SENP7: variants seen among roughly 807,000 people sequenced by gnomAD.
The protein encoded by SENP7 is sentrin-specific protease 7.
In SENP7, 64 loss-of-function variants were observed where a neutral mutation model predicts 141.2. The observed-to-expected ratio is 0.45, with a 90% CI of 0.37 to 0.56. SENP7 has a LOEUF of 0.56. Ranked by LOEUF, SENP7 falls within the 20% of genes least tolerant of loss-of-function variation. The pLI is 0.00. For synonymous variants in SENP7, 382 were observed against 426.4 expected, an observed-to-expected ratio of 0.90 and a Z score of 1.28; for missense variants, 1,025 against 1,212.2, an observed-to-expected ratio of 0.85 and a Z score of 2.29.
chr3:101,507,687 C>T (rs2065678090), intron 1 of SENP7, among the ~76,000 whole-genome samples: 1 of 151,936 alleles, frequency 6.6e-6, no homozygotes, highest in African/African-American at 2.4e-5. Flanking sequence ...TCTCCTTCCC[C>T]ACCGCCACCA....
intron 17 of SENP7, among the ~76,000 whole-genome samples, chr3:101,336,703 T>C (rs1464027271): frequency 6.6e-6 from 1 of 152,194 alleles, no homozygotes; most frequent in Non-Finnish European, 1.5e-5. Flanking sequence ...AGATAGATTA[T>C]CATACAAATT....
At position 101,328,461 on chromosome 3, in the gene SENP7, A is replaced by G; in HGVS notation, c.2864+17T>C. The G allele has an allele frequency of 1.9e-6, 3 of 1,600,594 alleles. No homozygotes were observed. Among genetic ancestry groups the G allele is most frequent in the Non-Finnish European group, 2.6e-6 (3 of 1,168,796 alleles). The stretch of plus-strand genomic sequence containing the variant: ...TTTTAGATAACAGACTGGAATGGTA[A>G]AATTGTCATTACTTACTCTCGTAAA... On this transcript the variant is annotated intron_variant, in intron 22 of 23. Coordinates refer to ENST00000394095, the MANE Select transcript of SENP7 (RefSeq NM_020654.5).
chr3:101,390,163 T>C (rs552624077), intron 6 of SENP7, among the ~76,000 whole-genome samples: 5 of 140,212 alleles, frequency 3.6e-5, no homozygotes, highest in Non-Finnish European at 7.5e-5. Flanking sequence ...GAAGTTGCAG[T>C]GAGTCGAGAT....
chr3:101,382,713 A>T (rs1156969527), intron 6 of SENP7, among the ~76,000 whole-genome samples: 8 of 152,208 alleles, frequency 5.3e-5, no homozygotes, highest in Admixed American at 5.2e-4. Flanking sequence ...CTTGTTCAGG[A>T]ATTGATAGCT....
chr3:101,420,152 G>A (rs2061744812), intron 4 of SENP7, among the ~76,000 whole-genome samples: 1 of 152,196 alleles, frequency 6.6e-6, no homozygotes, highest in Non-Finnish European at 1.5e-5. Flanking sequence ...TGGATCACGA[G>A]GTGAGGAGAT....
At chr3:101,424,637 ACCAGTACCAC>A (rs1470646454) in intron 4 of SENP7, among the ~76,000 whole-genome samples, 1 of 151,898 alleles carries the variant, frequency 6.6e-6, no homozygotes, top group Non-Finnish European at 1.5e-5. Context: ...ACCTGTACCC[ACCAGTACCAC>A]CACACCCGTG....
At chr3:101,422,627 G>A (rs13314150) in intron 4 of SENP7, among the ~76,000 whole-genome samples, 60,352 of 151,834 alleles carry the variant, frequency 0.4, 12,511 homozygotes, top group Admixed American at 0.54. Context: ...TATTTATAAA[G>A]TGTTCCTTTG....
chr3:101,463,041 G>C (rs998176780), intron 3 of SENP7, among the ~76,000 whole-genome samples: 1 of 151,824 alleles, frequency 6.6e-6, no homozygotes. Flanking sequence ...ATTATACAAA[G>C]AATTTCTACA....
At chr3:101,338,926 T>C (rs2059258024) in intron 16 of SENP7, among the ~76,000 whole-genome samples, 1 of 152,134 alleles carries the variant, frequency 6.6e-6, no homozygotes, top group African/African-American at 2.4e-5. Flanking sequence ...AATTCAAGCA[T>C]ATTTATAAAT....
intron 7 of SENP7, among the ~76,000 whole-genome samples, chr3:101,371,601 C>T (rs2060183119): frequency 6.6e-6 from 1 of 152,076 alleles, no homozygotes; most frequent in African/African-American, 2.4e-5. Flanking sequence ...GTTTGGCATC[C>T]TCCTGAAGTT....
intron 6 of SENP7, among the ~76,000 whole-genome samples, chr3:101,396,667 G>A (rs1194125621): frequency 1.3e-5 from 2 of 152,132 alleles, no homozygotes; most frequent in African/African-American, 4.8e-5. Flanking sequence ...TACATTAAAT[G>A]ACATAAGCAT....
intron 1 of SENP7, among the ~76,000 whole-genome samples, chr3:101,504,211 G>A (rs1330198539): frequency 6.6e-6 from 1 of 151,940 alleles, no homozygotes; most frequent in Non-Finnish European, 1.5e-5. Context: ...AGCACTAATG[G>A]GAGGCCGAGG....
At chr3:101,401,353 A>G (rs917845075) in intron 5 of SENP7, among the ~76,000 whole-genome samples, 20 of 151,444 alleles carry the variant, frequency 1.3e-4, no homozygotes, top group African/African-American at 4.4e-4. Flanking sequence ...ACATGGTGAA[A>G]CCCCGTCTCT....
chr3:101,468,601 C>A (rs571594161), intron 3 of SENP7, among the ~76,000 whole-genome samples: 1 of 152,246 alleles, frequency 6.6e-6, no homozygotes, highest in South Asian at 2.1e-4. Context: ...TAATATCCAG[C>A]CAAACTAAGC....
At chr3:101,419,504 G>A (rs1336674953) in intron 4 of SENP7, among the ~76,000 whole-genome samples, 6 of 152,168 alleles carry the variant, frequency 3.9e-5, no homozygotes, top group Non-Finnish European at 7.4e-5. Flanking sequence ...GAAGAATGGT[G>A]GGAGCAGAAA....
In SENP7 at chr3:101,364,996, A is replaced by C. The variant is rs779848201; in HGVS notation, c.1319-5T>G. 1.4e-6 allele frequency: 2 copies of C among 1,469,822 alleles called. No homozygotes were observed. The highest frequency in any genetic ancestry group is 2.5e-5 in the Admixed American group (1 of 39,244). 91.0% of individuals were successfully genotyped at this position (1,469,822 alleles called of 1,614,324 possible). ...CTTCATCACTGGAAACAACAACTAA[A>C]ACGGAAAAGAAAAATGTATTTTTGT... On this transcript the variant is annotated splice_polypyrimidine_tract_variant and splice_region_variant and intron_variant, in intron 9 of 23. Coordinates refer to ENST00000394095, the MANE Select transcript of SENP7 (RefSeq NM_020654.5).
At chr3:101,360,111 A>G (rs1576081923) in intron 11 of SENP7, among the ~76,000 whole-genome samples, 1 of 152,190 alleles carries the variant, frequency 6.6e-6, no homozygotes, top group African/African-American at 2.4e-5. Context: ...AATGAATAAA[A>G]TTCCTTAAAG....
chr3:101,484,061 T>C (rs187687867), intron 3 of SENP7, among the ~76,000 whole-genome samples: 8 of 152,084 alleles, frequency 5.3e-5, no homozygotes, highest in Non-Finnish European at 1.0e-4. Flanking sequence ...ATCACAAACC[T>C]GAATGCAAAA....
intron 23 of SENP7, 139 bp from the exon 24 acceptor site, chr3:101,326,219 A>C: frequency 1.5e-6 from 1 of 662,522 alleles, no homozygotes; most frequent in Non-Finnish European, 2.3e-6. Context: ...ACATAATACA[A>C]TTCACCAATA....
Sources: gnomAD v4.1 joint callset for allele counts (sites outside exome capture counted in the v4.1 genomes callset) on GRCh38, gnomAD v4.1.1 for gene constraint, MANE v1.5 for transcripts, NCBI Gene and HGNC (gene_info 2026-07-23, HGNC 2026-07-21) for gene names.